Variants in LTBP1 observed in about 807,000 individuals in gnomAD.
The protein encoded by LTBP1 is latent-transforming growth factor beta-binding protein 1.
In LTBP1, 129 loss-of-function variants were observed where a neutral mutation model predicts 207.6. The observed-to-expected ratio is 0.62, with a 90% confidence interval of 0.54 to 0.72. The LOEUF is 0.72. Ranked by LOEUF, LTBP1 falls within the 30% of genes least tolerant of loss-of-function variation. The pLI is 0.00. For synonymous variants in LTBP1, 963 were observed against 833.7 expected, an observed-to-expected ratio of 1.16 and a Z score of -2.67; for missense variants, 2,281 against 2,217.2, an observed-to-expected ratio of 1.03 and a Z score of -0.58.
intron 19 of LTBP1, among the ~76,000 whole-genome samples, chr2:33,290,514 GA>G (rs1463595701): frequency 1.3e-5 from 2 of 152,280 alleles, no homozygotes; most frequent in African/African-American, 4.8e-5. Context: ...TTGTATTTTA[GA>G]AAAAAGTTTA....
At chr2:33,201,724 T>A (rs1240588550) in intron 7 of LTBP1, among the ~76,000 whole-genome samples, 2 of 152,088 alleles carry the variant, frequency 1.3e-5, no homozygotes, top group Non-Finnish European at 2.9e-5. Flanking sequence ...TTTATGTGGA[T>A]TAGGAAGAAA....
chr2:32,961,822 G>C (rs562912553), intron 2 of LTBP1, among the ~76,000 whole-genome samples: 9 of 151,860 alleles, frequency 5.9e-5, no homozygotes, highest in African/African-American at 2.2e-4. Context: ...GGTGGGCGCC[G>C]GTAATCCCAG....
chr2:33,178,706 T>C (rs2086317128), intron 5 of LTBP1, among the ~76,000 whole-genome samples: 1 of 152,184 alleles, frequency 6.6e-6, no homozygotes, highest in Non-Finnish European at 1.5e-5. Context: ...TTTGCTTGAA[T>C]GAACTAAACC....
At chr2:33,294,682 G>A (rs766704327) in intron 20 of LTBP1, among the ~76,000 whole-genome samples, 22 of 149,584 alleles carry the variant, frequency 1.5e-4, no homozygotes, top group African/African-American at 2.7e-4. Context: ...AGGTTCAAGC[G>A]ATTCTCCTGC....
At chr2:33,246,534 G>A (rs991872386) in intron 10 of LTBP1, among the ~76,000 whole-genome samples, 1 of 152,030 alleles carries the variant, frequency 6.6e-6, no homozygotes, top group Non-Finnish European at 1.5e-5. Flanking sequence ...GTTGCTAAAT[G>A]TTTGCTCTGG....
At chr2:33,009,039 T>G (rs754724244) in intron 2 of LTBP1, among the ~76,000 whole-genome samples, 2 of 152,130 alleles carry the variant, frequency 1.3e-5, no homozygotes, top group Non-Finnish European at 2.9e-5. Context: ...AAATAAGGGC[T>G]TTGCATTTCA....
intron 31 of LTBP1, among the ~76,000 whole-genome samples, chr2:33,386,210 A>T (rs2095264193): frequency 6.6e-6 from 1 of 152,188 alleles, no homozygotes; most frequent in South Asian, 2.1e-4. Context: ...ATACCTACTT[A>T]GTTTCAGTTC....
At chr2:33,179,938 C>T (rs1177013716) in intron 5 of LTBP1, among the ~76,000 whole-genome samples, 1 of 152,144 alleles carries the variant, frequency 6.6e-6, no homozygotes, top group African/African-American at 2.4e-5. Context: ...GTATCTGAAA[C>T]CCAGCTTGTC....
chr2:33,145,450 G>A (rs889602039), intron 5 of LTBP1, among the ~76,000 whole-genome samples: 7 of 152,212 alleles, frequency 4.6e-5, no homozygotes, highest in Non-Finnish European at 7.3e-5. Context: ...AAAACTTGTT[G>A]TTAGAGTTTA....
chr2:33,033,977 A>G (rs2075804037), intron 3 of LTBP1, among the ~76,000 whole-genome samples: 1 of 152,198 alleles, frequency 6.6e-6, no homozygotes, highest in Non-Finnish European at 1.5e-5. Context: ...AAGAGGCCAC[A>G]GCCCTAACCC....
At chr2:33,030,187 G>A (rs1476875182) in intron 3 of LTBP1, among the ~76,000 whole-genome samples, 1 of 152,162 alleles carries the variant, frequency 6.6e-6, no homozygotes, top group Admixed American at 6.5e-5. Flanking sequence ...TCTTTATGCA[G>A]CAGCTAATCC....
chr2:33,106,921 A>T (rs1017397929), intron 3 of LTBP1, among the ~76,000 whole-genome samples: 8 of 152,208 alleles, frequency 5.3e-5, no homozygotes, highest in African/African-American at 1.7e-4. Context: ...TTCAATTGAG[A>T]TAACACTGTT....
chr2:33,197,822 G>A (rs918550485), intron 7 of LTBP1, among the ~76,000 whole-genome samples: 2 of 152,170 alleles, frequency 1.3e-5, no homozygotes, highest in African/African-American at 4.8e-5. Flanking sequence ...GCACAAGCCT[G>A]TGCTCTTTGT....
chr2:33,064,421 A>G (rs1394528695), intron 3 of LTBP1, among the ~76,000 whole-genome samples: 2 of 152,166 alleles, frequency 1.3e-5, no homozygotes, highest in African/African-American at 2.4e-5. Context: ...TGGGTAAGAG[A>G]TAAAGAACTT....
intron 10 of LTBP1, among the ~76,000 whole-genome samples, chr2:33,247,847 G>T (rs1008856000): frequency 5.3e-5 from 8 of 152,176 alleles, no homozygotes; most frequent in Admixed American, 4.6e-4. Context: ...ATCCTTTTTG[G>T]CAAGCCAAAT....
chr2:33,129,640 A>G (rs995800975), intron 4 of LTBP1, among the ~76,000 whole-genome samples: 5 of 152,204 alleles, frequency 3.3e-5, no homozygotes, highest in African/African-American at 1.2e-4. Flanking sequence ...TTAATTAAAA[A>G]TGGTTTTACT....
In LTBP1 at chr2:33,182,876, G is replaced by C. The variant is rs185293314; in HGVS notation, c.1202-3980G>C. Among the ~76,000 whole-genome samples, 53 of 150,996 alleles carry C rather than the reference G, an allele frequency of 3.5e-4. 1 individual carries two copies. In the East Asian group the frequency reaches 0.01, roughly 29 times the overall value. ...ATGACCTTAAGAAATTTTTGCCAAA[G>C]CATTAAAAATGTTTTAGTGTAGGTT... On this transcript the variant is annotated intron_variant, in intron 5 of 33. Coordinates refer to ENST00000404816, the MANE Select transcript of LTBP1 (RefSeq NM_206943.4).
intron 5 of LTBP1, among the ~76,000 whole-genome samples, chr2:33,168,352 C>T (rs2085108022): frequency 6.8e-6 from 1 of 146,954 alleles, no homozygotes; most frequent in Admixed American, 6.9e-5. Context: ...CACCACTGCA[C>T]TCTAGCCTGA....
At chr2:33,305,508 C>G (rs1027865902) in intron 22 of LTBP1, among the ~76,000 whole-genome samples, 1 of 152,074 alleles carries the variant, frequency 6.6e-6, no homozygotes, top group Non-Finnish European at 1.5e-5. Flanking sequence ...GCATTCAGTT[C>G]AAGGGAATAG....
Sources: allele counts gnomAD v4.1 joint callset (sites outside exome capture counted in the v4.1 genomes callset), GRCh38; gene constraint gnomAD v4.1.1; transcripts MANE v1.5; gene names NCBI Gene and HGNC (gene_info 2026-07-23, HGNC 2026-07-21).